CD200R1L: variants seen among roughly 807,000 people sequenced by gnomAD.
CD200R1L encodes the protein CD200 receptor 1 like.
A neutral mutation model predicts 24.8 loss-of-function variants in CD200R1L; 14 were observed. That is an observed-to-expected ratio of 0.56 (90% CI 0.37 to 0.88). The LOEUF (loss-of-function observed/expected upper bound fraction) is 0.88. CD200R1L is among the 40% of genes least tolerant of loss of function. The pLI, the probability that CD200R1L is intolerant of heterozygous loss-of-function variation, is 0.00. For synonymous variants in CD200R1L, 111 were observed against 109.2 expected (o/e 1.02, Z -0.11); for missense variants, 299 against 297.8 (o/e 1.00, Z -0.03).
chr3:112,845,954 T>A lies in CD200R1L; in HGVS notation c.-358-4A>T, dbSNP rs6766388. The A allele has an allele frequency of 0.66, 323,784 of 488,886 alleles. 108,058 individuals carry two copies. The highest frequency in any genetic ancestry group is 0.73 in the African/African-American group (36,887 of 50,750). The allele number at this position is 488,886 out of a possible 1,614,324, so 30.3% of individuals were successfully genotyped here. On this transcript the variant is annotated splice_region_variant and splice_polypyrimidine_tract_variant and intron_variant, in intron 1 of 7. Transcript: ENST00000488794. Reference sequence around the variant, plus strand: ...TGGGAAATGTCAGTGAGTTTTGCTGTGTAATAAAGCAAAAAAGCCAATGCT... The same window carrying A: ...TGGGAAATGTCAGTGAGTTTTGCTGAGTAATAAAGCAAAAAAGCCAATGCT...
intron 6 of CD200R1L, among the ~76,000 whole-genome samples, chr3:112,825,739 ATAATT>A (rs983147855): frequency 2.6e-5 from 4 of 152,200 alleles, no homozygotes; most frequent in Non-Finnish European, 4.4e-5. Flanking sequence ...CTTTAGGAAA[ATAATT>A]TAAGGAACAA....
chr3:112,827,248 A>G lies in CD200R1L; in HGVS notation c.368-7T>C. 6.3e-7 allele frequency: 1 copy of G among 1,599,924 alleles called. No individual in the cohort carries two copies. Among genetic ancestry groups the G allele is most frequent in the Non-Finnish European group, 8.5e-7 (1 of 1,172,890 alleles). On this transcript the variant is annotated splice_polypyrimidine_tract_variant and splice_region_variant and intron_variant, in intron 5 of 7. Transcript: ENST00000488794. Reference sequence around the variant, plus strand: ...AGGTTCACTTCGGGTGTAACTGCAGAGAGGAAAGAGGGAAAAAAATGCTTC... The same window carrying G: ...AGGTTCACTTCGGGTGTAACTGCAGGGAGGAAAGAGGGAAAAAAATGCTTC...
chr3:112,833,181 T>G (rs77271409), intron 3 of CD200R1L, among the ~76,000 whole-genome samples: 1 of 152,338 alleles, frequency 6.6e-6, no homozygotes, highest in East Asian at 1.9e-4. Context: ...CTGCTGCATA[T>G]TTGCGATTAC....
At chr3:112,817,882 A>C (rs6784658) in intron 7 of CD200R1L, among the ~76,000 whole-genome samples, 99,824 of 152,156 alleles carry the variant, frequency 0.66, 34,120 homozygotes, top group Non-Finnish European at 0.76. Context: ...ACAGTTCCAC[A>C]TGGCTGGGGA....
At chr3:112,829,750 C>T (rs965627018) in intron 3 of CD200R1L, among the ~76,000 whole-genome samples, 1 of 152,226 alleles carries the variant, frequency 6.6e-6, no homozygotes, top group Non-Finnish European at 1.5e-5. Context: ...TCTCCAAATG[C>T]TGGAGACAGC....
chr3:112,818,893 T>C (rs983606946), intron 7 of CD200R1L: 2 of 154,404 alleles, frequency 1.3e-5, no homozygotes, highest in African/African-American at 4.8e-5. Flanking sequence ...TCTTGGTAAC[T>C]GTATTAGTCT....
chr3:112,819,718 A>G (rs577636849), intron 7 of CD200R1L, 54 bp downstream of exon 7: 2 of 1,470,732 alleles, frequency 1.4e-6, no homozygotes, highest in South Asian at 2.7e-5. Context: ...AAATGTTACA[A>G]TGATACTTTT....
chr3:112,830,498 G>GTT (rs11391916), intron 3 of CD200R1L, among the ~76,000 whole-genome samples: 9,971 of 101,938 alleles, frequency 0.098, 941 homozygotes, highest in African/African-American at 0.16. Flanking sequence ...TGTCATTGCA[G>GTT]TTTTTTTTTT....
intron 3 of CD200R1L, among the ~76,000 whole-genome samples, chr3:112,833,570 T>C (rs1220566201): frequency 2.6e-5 from 4 of 152,010 alleles, no homozygotes; most frequent in Non-Finnish European, 5.9e-5. Flanking sequence ...CAACAAATCA[T>C]AAAGTAAAGT....
At chr3:112,838,677 T>G (rs932736904) in intron 2 of CD200R1L, among the ~76,000 whole-genome samples, 3 of 152,180 alleles carry the variant, frequency 2.0e-5, no homozygotes, top group African/African-American at 7.2e-5. Context: ...TGTGTTCACC[T>G]GAAAAAAATG....
In CD200R1L at chr3:112,832,853, T is replaced by C. The variant is rs963149928; in HGVS notation, c.-17-3469A>G. 2.6e-5 allele frequency among the ~76,000 whole-genome samples: 4 copies of C among 152,256 alleles called. No individual in the cohort carries two copies. In the South Asian group the frequency reaches 6.2e-4, roughly 24 times the overall value. ...GGTCTTGCCTTAATTTCTACTTTCA[T>C]GTACAATGTAATCTAAAAAGATCTA... is the stretch of plus-strand genomic sequence containing the variant. On this transcript the variant is annotated intron_variant, in intron 3 of 7. Coordinates refer to ENST00000488794, the MANE Select transcript of CD200R1L (RefSeq NM_001199215.3).
Position 112,826,986 on chromosome 3 carries a change from C to A in CD200R1L, c.616+7G>T, listed in dbSNP as rs772457658. ...AGTTTACTCTTCTACAAGAAACAGG[C>A]GCTTACCTGAATTCAACTTTACGGA... On this transcript the variant is annotated splice_region_variant and intron_variant, in intron 6 of 7. Coordinates refer to ENST00000488794, the MANE Select transcript of CD200R1L (RefSeq NM_001199215.3). 1.9e-6 allele frequency: 3 copies of A among 1,589,320 alleles called. No individual in the cohort carries two copies. Among genetic ancestry groups the A allele is most frequent in the East Asian group, 2.2e-5 (1 of 44,584 alleles).
intron 3 of CD200R1L, among the ~76,000 whole-genome samples, chr3:112,836,547 T>C (rs998017371): frequency 2.6e-5 from 4 of 152,264 alleles, no homozygotes; most frequent in African/African-American, 9.6e-5. Context: ...GGGTCTATGC[T>C]TAAGACTCAG....
At chr3:112,831,931 G>C (rs1479551749) in intron 3 of CD200R1L, among the ~76,000 whole-genome samples, 1 of 152,150 alleles carries the variant, frequency 6.6e-6, no homozygotes, top group Non-Finnish European at 1.5e-5. Flanking sequence ...TTAAACAACA[G>C]TTCAATTGCA....
intron 3 of CD200R1L, among the ~76,000 whole-genome samples, chr3:112,837,157 G>A (rs1270938622): frequency 1.3e-5 from 2 of 151,944 alleles, no homozygotes; most frequent in Non-Finnish European, 2.9e-5. Flanking sequence ...AATTTAATAG[G>A]AGAAATTGTA....
intron 6 of CD200R1L, among the ~76,000 whole-genome samples, chr3:112,824,990 C>T (rs1321662762): frequency 1.3e-5 from 2 of 152,210 alleles, no homozygotes; most frequent in Non-Finnish European, 2.9e-5. Context: ...GGAATTCCAG[C>T]ACTTTGGGAG....
chr3:112,842,051 G>A (rs531691919), intron 2 of CD200R1L, among the ~76,000 whole-genome samples: 19 of 152,224 alleles, frequency 1.2e-4, no homozygotes, highest in African/African-American at 3.9e-4. Flanking sequence ...GGATCTCCAC[G>A]GCCCACAACA....
chr3:112,830,415 T>A (rs534491571), intron 3 of CD200R1L, among the ~76,000 whole-genome samples: 1 of 151,004 alleles, frequency 6.6e-6, no homozygotes, highest in Admixed American at 6.6e-5. Flanking sequence ...GTAATACCCA[T>A]AATGAGTGAG....
intron 6 of CD200R1L, 28 bp downstream of exon 6, chr3:112,826,965 T>G: frequency 6.5e-7 from 1 of 1,539,330 alleles, no homozygotes; most frequent in African/African-American, 1.4e-5. Flanking sequence ...GCATCAAGTT[T>G]ACTCTTCTAC....
Sources: allele counts gnomAD v4.1 joint callset (sites outside exome capture counted in the v4.1 genomes callset), GRCh38; gene constraint gnomAD v4.1.1; transcripts MANE v1.5; gene names NCBI Gene and HGNC (gene_info 2026-07-23, HGNC 2026-07-21).